SH3GL2: variants seen among roughly 807,000 people sequenced by gnomAD.
SH3GL2 encodes the protein SH3 domain containing GRB2 like 2, endophilin A1.
In SH3GL2, 24 loss-of-function variants were observed where a neutral mutation model predicts 46.0. The observed-to-expected ratio is 0.52, with a 90% CI of 0.38 to 0.73. The LOEUF (loss-of-function observed/expected upper bound fraction) is 0.73, where lower values mean the gene tolerates loss of function less well. SH3GL2 is among the 30% of genes least tolerant of loss of function. The pLI, the probability that SH3GL2 is intolerant of heterozygous loss-of-function variation, is 0.00. For missense variants in SH3GL2, 413 were observed against 424.2 expected (o/e 0.97, Z 0.23); for synonymous variants, 196 against 147.1 (o/e 1.33, Z -2.40).
chr9:17,597,486 C>T (rs796376418), intron 1 of SH3GL2, among the ~76,000 whole-genome samples: 4 of 151,358 alleles, frequency 2.6e-5, no homozygotes, highest in African/African-American at 7.3e-5. Flanking sequence ...CACTGCACTC[C>T]AGCCTGGGCG....
chr9:17,669,185 T>C (rs1820412523), intron 1 of SH3GL2, among the ~76,000 whole-genome samples: 1 of 152,192 alleles, frequency 6.6e-6, no homozygotes, highest in African/African-American at 2.4e-5. Flanking sequence ...TATCCAGTTT[T>C]CCCCAGTGGT....
chr9:17,667,532 ATAT>A (rs1249123615), intron 1 of SH3GL2, among the ~76,000 whole-genome samples: 3 of 152,206 alleles, frequency 2.0e-5, no homozygotes, highest in Admixed American at 6.5e-5. Flanking sequence ...TGGCAGAATA[ATAT>A]TATATGGATA....
In SH3GL2 at chr9:17,734,705, C is replaced by G. The variant is rs140502082; in HGVS notation, c.46-12361C>G. Among the ~76,000 whole-genome samples, 188 of 151,198 alleles carry G rather than the reference C, an allele frequency of 1.2e-3. 3 individuals carry two copies. Among genetic ancestry groups the G allele is most frequent in the African/African-American group, 3.9e-3 (161 of 41,468 alleles). On this transcript the variant is annotated intron_variant, in intron 1 of 8. Transcript: ENST00000380607. ...TGTGAAACAAGCCAGAGACAAAACA[C>G]CACATAATTATATTATTTCATTTAT... is the stretch of plus-strand genomic sequence containing the variant.
intron 3 of SH3GL2, among the ~76,000 whole-genome samples, chr9:17,783,925 C>T (rs1237195729): frequency 6.6e-6 from 1 of 152,078 alleles, no homozygotes; most frequent in African/African-American, 2.4e-5. Flanking sequence ...TTGTATTTTC[C>T]AGGCTCACTC....
At chr9:17,735,777 A>C in intron 1 of SH3GL2, 1 of 975,476 alleles carries the variant, frequency 1.0e-6, no homozygotes, top group Non-Finnish European at 1.2e-6. Context: ...CCACACATGG[A>C]AAGCATAATA....
At chr9:17,780,403 C>T (rs1164003204) in intron 3 of SH3GL2, among the ~76,000 whole-genome samples, 2 of 151,586 alleles carry the variant, frequency 1.3e-5, no homozygotes, top group East Asian at 3.9e-4. Context: ...GCACAGTTTA[C>T]TTGTCCATTT....
intron 1 of SH3GL2, among the ~76,000 whole-genome samples, chr9:17,678,997 AT>A (rs1437534112): frequency 2.0e-5 from 3 of 151,876 alleles, no homozygotes; most frequent in African/African-American, 7.3e-5. Flanking sequence ...CTATATCTCT[AT>A]TTTGGTACCA....
rs9407873 is a variant in SH3GL2, at chr9:17,786,628, G to A, written c.331+104G>A. The A allele has an allele frequency of 3.7e-3, 4,738 of 1,290,382 alleles. 130 individuals carry two copies. In the African/African-American group the frequency reaches 0.061, roughly 17 times the overall value. The allele number at this position is 1,290,382 out of a possible 1,614,324, so 79.9% of individuals were successfully genotyped here. On this transcript the variant is annotated intron_variant, in intron 4 of 8. Transcript: ENST00000380607. ...ATCGGTCAAATCATTTTATATTTTG[G>A]TTTTCAGTTTTAGATCCTACACACA...
chr9:17,791,485 GTT>G (rs771355628), intron 7 of SH3GL2, 151 bp downstream of exon 7: 17 of 611,922 alleles, frequency 2.8e-5, no homozygotes. Flanking sequence ...TTTTGATTTT[GTT>G]TTTTCTTGTG....
intron 1 of SH3GL2, among the ~76,000 whole-genome samples, chr9:17,588,150 G>A (rs922149529): frequency 1.3e-5 from 2 of 152,132 alleles, no homozygotes; most frequent in Non-Finnish European, 2.9e-5. Context: ...GACTCAGGAT[G>A]ACCCTGGATC....
At chr9:17,757,473 AC>A (rs1823030732) in intron 2 of SH3GL2, among the ~76,000 whole-genome samples, 1 of 152,110 alleles carries the variant, frequency 6.6e-6, no homozygotes, top group Admixed American at 6.5e-5. Context: ...GAAAAAAACA[AC>A]CCCATCAAAA....
Position 17,791,225 on chromosome 9 carries a change from C to T in SH3GL2, c.625-6C>T. 1 of 1,605,156 alleles carries T rather than the reference C, an allele frequency of 6.2e-7. No individual in the cohort carries two copies. Among genetic ancestry groups the T allele is most frequent in the Admixed American group, 1.7e-5 (1 of 59,980 alleles). On this transcript the variant is annotated splice_region_variant and splice_polypyrimidine_tract_variant and intron_variant, in intron 6 of 8. Coordinates refer to ENST00000380607, the MANE Select transcript of SH3GL2 (RefSeq NM_003026.5). The stretch of plus-strand genomic sequence containing the variant: ...ACTAAGGCATGATTTTCCCATCAAT[C>T]TGCAGATTGAACAAGTGAGCCAGCT...
At chr9:17,716,618 C>T (rs1821767955) in intron 1 of SH3GL2, among the ~76,000 whole-genome samples, 1 of 152,160 alleles carries the variant, frequency 6.6e-6, no homozygotes, top group East Asian at 1.9e-4. Context: ...AGTTTCCTCA[C>T]ATGCATGTGT....
At position 17,723,718 on chromosome 9, in the gene SH3GL2, A is replaced by T. The variant is rs77952407; in HGVS notation, c.46-23348A>T. 3.1e-4 allele frequency among the ~76,000 whole-genome samples: 47 copies of T among 152,142 alleles called. No individual in the cohort carries two copies. The East Asian group carries it at 8.5e-3, about 28-fold the overall frequency. On this transcript the variant is annotated intron_variant, in intron 1 of 8. Coordinates refer to ENST00000380607, the MANE Select transcript of SH3GL2 (RefSeq NM_003026.5). ...GTCTATTTGCCTGAGGATTTCTGCT[A>T]CCTATGAAGACTTGCCTCCATTGAT... is the stretch of plus-strand genomic sequence containing the variant.
intron 3 of SH3GL2, among the ~76,000 whole-genome samples, chr9:17,762,750 C>G (rs1164147963): frequency 6.6e-6 from 1 of 152,148 alleles, no homozygotes; most frequent in East Asian, 1.9e-4. Context: ...CTGCAAAAAT[C>G]AGGTTTCTTA....
At chr9:17,588,369 C>T (rs1327397834) in intron 1 of SH3GL2, among the ~76,000 whole-genome samples, 1 of 152,110 alleles carries the variant, frequency 6.6e-6, no homozygotes, top group Non-Finnish European at 1.5e-5. Context: ...ATTCCTGAGA[C>T]TTTTAACTTT....
intron 1 of SH3GL2, among the ~76,000 whole-genome samples, chr9:17,620,388 ACT>A (rs2134599890): frequency 6.6e-6 from 1 of 152,344 alleles, no homozygotes; most frequent in African/African-American, 2.4e-5. Flanking sequence ...GGTGTCAGAC[ACT>A]GTTTTAACAG....
At chr9:17,596,835 T>G (rs2208506) in intron 1 of SH3GL2, among the ~76,000 whole-genome samples, 11,929 of 152,200 alleles carry the variant, frequency 0.078, 629 homozygotes, top group Non-Finnish European at 0.12. Context: ...GGCAGGCCAC[T>G]TTTGCCTTTC....
chr9:17,703,655 A>G (rs1027583124), intron 1 of SH3GL2, among the ~76,000 whole-genome samples: 4 of 152,144 alleles, frequency 2.6e-5, no homozygotes, highest in African/African-American at 9.7e-5. Flanking sequence ...CAACATATGC[A>G]AATCAATATA....
Sources: gnomAD v4.1 joint callset for allele counts (sites outside exome capture counted in the v4.1 genomes callset) on GRCh38, gnomAD v4.1.1 for gene constraint, MANE v1.5 for transcripts, NCBI Gene and HGNC (gene_info 2026-07-23, HGNC 2026-07-21) for gene names.